Variants in SCYL2 observed in about 807,000 individuals in gnomAD.
SCYL2 encodes the protein SCY1-like protein 2.
Under a neutral mutation model 100.4 loss-of-function variants are expected in SCYL2, and 36 were observed. That is an observed-to-expected ratio of 0.36 (90% CI 0.27 to 0.47). The LOEUF (loss-of-function observed/expected upper bound fraction) is 0.47, where lower values mean the gene tolerates loss of function less well. Among genes scored for constraint, SCYL2 ranks in the 20% least tolerant of loss-of-function variants. The pLI, the probability that SCYL2 is intolerant of heterozygous loss-of-function variation, is 1.00. For synonymous variants in SCYL2, 330 were observed against 359.2 expected, an observed-to-expected ratio of 0.92 and a Z score of 0.92; for missense variants, 902 against 1,083.9, an observed-to-expected ratio of 0.83 and a Z score of 2.36.
intron 2 of SCYL2, among the ~76,000 whole-genome samples, chr12:100,291,231 G>A (rs1373254763): frequency 6.6e-6 from 1 of 151,958 alleles, no homozygotes; most frequent in Admixed American, 6.6e-5. Flanking sequence ...TACTACACAG[G>A]AAACAACATA....
At position 100,338,954 on chromosome 12, in the gene SCYL2, C is replaced by T. The variant is rs774824872; in HGVS notation, c.2572C>T (p.Gln858Ter). The change falls in exon 18 of 18, where the codon CAA becomes TAA. Residue 858 changes from glutamine (Q) to a stop codon, truncating the protein, a stop_gained. Coordinates refer to ENST00000360820, the MANE Select transcript of SCYL2 (RefSeq NM_017988.6). LOFTEE classifies it high-confidence loss of function. ...CAAAGTTAGCATGAACCAGTTATCACAACAGAAACCAAATCAGTGGCTTAA... is the reference window on the plus strand; with the variant it reads ...CAAAGTTAGCATGAACCAGTTATCATAACAGAAACCAAATCAGTGGCTTAA... Reference protein sequence around the residue: ...KPKVSMNQLSQQKPNQWLNQF... With the variant: ...KPKVSMNQLS 1 of 1,614,168 alleles carries T rather than the reference C, an allele frequency of 6.2e-7. No individual in the cohort carries two copies. The highest frequency in any genetic ancestry group is 8.5e-7 in the Non-Finnish European group (1 of 1,179,980).
chr12:100,299,412 G>C (rs983259122), intron 4 of SCYL2, among the ~76,000 whole-genome samples: 1 of 151,898 alleles, frequency 6.6e-6, no homozygotes, highest in Non-Finnish European at 1.5e-5. Flanking sequence ...TTATAAGTTC[G>C]ACATACACTT....
chr12:100,300,905 A>G (rs959994774), intron 4 of SCYL2, among the ~76,000 whole-genome samples: 1 of 152,206 alleles, frequency 6.6e-6, no homozygotes, highest in Non-Finnish European at 1.5e-5. Flanking sequence ...GTTGATGGAC[A>G]CTTAGTTTGC....
At chr12:100,293,516 C>T (rs1043238765) in intron 3 of SCYL2, among the ~76,000 whole-genome samples, 1 of 151,298 alleles carries the variant, frequency 6.6e-6, no homozygotes, top group Non-Finnish European at 1.5e-5. Context: ...GTTGTATTTA[C>T]ATGTTTTTTT....
intron 4 of SCYL2, among the ~76,000 whole-genome samples, chr12:100,300,395 A>T (rs1271707813): frequency 6.6e-6 from 1 of 152,054 alleles, no homozygotes; most frequent in Non-Finnish European, 1.5e-5. Flanking sequence ...ATATATACTT[A>T]TACATGAGAT....
chr12:100,314,465 AT>A, intron 7 of SCYL2, 23 bp from the exon 8 acceptor site: 1 of 1,537,144 alleles, frequency 6.5e-7, no homozygotes, highest in South Asian at 1.2e-5. Context: ...ATTTATCAAA[AT>A]ACTTTATTTC....
chr12:100,295,961 C>T (rs2096319870), intron 3 of SCYL2, among the ~76,000 whole-genome samples: 1 of 152,136 alleles, frequency 6.6e-6, no homozygotes, highest in Non-Finnish European at 1.5e-5. Context: ...AGGCCAGGGC[C>T]GACACCTGGT....
intron 1 of SCYL2, among the ~76,000 whole-genome samples, chr12:100,276,407 A>G (rs917555081): frequency 6.6e-6 from 1 of 152,102 alleles, no homozygotes; most frequent in African/African-American, 2.4e-5. Context: ...ATCATGGCTC[A>G]CTGCAGCCTT....
At chr12:100,269,863 C>T (rs2096285512) in intron 1 of SCYL2, among the ~76,000 whole-genome samples, 1 of 152,148 alleles carries the variant, frequency 6.6e-6, no homozygotes, top group African/African-American at 2.4e-5. Flanking sequence ...ACTACCTAGG[C>T]ATCTATGTGG....
chr12:100,323,644 TA>T lies in SCYL2; in HGVS notation c.1509+8del, dbSNP rs2096358715. 6.9e-7 allele frequency: 1 copy of T among 1,455,618 alleles called. No homozygotes were observed. Among genetic ancestry groups the T allele is most frequent in the Non-Finnish European group, 9.5e-7 (1 of 1,055,248 alleles). 90.2% of individuals were successfully genotyped at this position (1,455,618 alleles called of 1,614,324 possible). A position where few individuals can be genotyped will look rare whatever the true frequency, so the allele number is the denominator to read the frequency against. On this transcript the variant is annotated splice_region_variant and intron_variant, in intron 11 of 17. Coordinates refer to ENST00000360820, the MANE Select transcript of SCYL2 (RefSeq NM_017988.6). The stretch of plus-strand genomic sequence containing the variant: ...TACAAACATCTTCCCTTGCGGTAAG[TA>T]ATTGCATATTAATTTTTGTTTTTCT...
At position 100,304,421 on chromosome 12, in the gene SCYL2, C is replaced by T. The variant is rs542871018; in HGVS notation, c.480+6246C>T. On this transcript the variant is annotated intron_variant, in intron 4 of 17. Transcript: ENST00000360820. Reference sequence around the variant, plus strand: ...AGGGAATCTCCTGGTCTGCGGGTTGCAAAGACCGTGGGAAAAGCATAGTAT... The same window carrying T: ...AGGGAATCTCCTGGTCTGCGGGTTGTAAAGACCGTGGGAAAAGCATAGTAT... Among the ~76,000 whole-genome samples, 3 of 152,220 alleles carry T rather than the reference C, an allele frequency of 2.0e-5. No individual in the cohort carries two copies. The South Asian group carries it at 6.2e-4, about 32-fold the overall frequency.
At chr12:100,323,163 TG>T (rs1278177895) in intron 10 of SCYL2, among the ~76,000 whole-genome samples, 2 of 152,226 alleles carry the variant, frequency 1.3e-5, no homozygotes, top group African/African-American at 2.4e-5. Flanking sequence ...ATTTCATACT[TG>T]ATTTTCCCTT....
intron 2 of SCYL2, among the ~76,000 whole-genome samples, chr12:100,289,858 A>T (rs1208332978): frequency 6.6e-6 from 1 of 152,130 alleles, no homozygotes. Context: ...TGTTTAGCTT[A>T]GTATATTAAT....
chr12:100,332,230 A>T (rs1189297058), intron 13 of SCYL2, among the ~76,000 whole-genome samples: 1 of 152,194 alleles, frequency 6.6e-6, no homozygotes, highest in Non-Finnish European at 1.5e-5. Context: ...CAGAGTTTTC[A>T]ATGAGGTCTG....
intron 4 of SCYL2, among the ~76,000 whole-genome samples, chr12:100,306,027 C>T (rs566494165): frequency 4.9e-4 from 74 of 151,992 alleles, no homozygotes; most frequent in Admixed American, 1.1e-3. Context: ...GCCTACGAAC[C>T]GAAAAAAGCC....
intron 1 of SCYL2, among the ~76,000 whole-genome samples, chr12:100,276,795 A>C (rs2096292979): frequency 6.6e-6 from 1 of 151,728 alleles, no homozygotes. Flanking sequence ...CTCCTCTTCT[A>C]CTTATTTTAA....
At chr12:100,334,548 A>G (rs1952251608) in intron 14 of SCYL2, among the ~76,000 whole-genome samples, 2 of 152,204 alleles carry the variant, frequency 1.3e-5, no homozygotes, top group African/African-American at 4.8e-5. Context: ...TCTTGTCAGC[A>G]GTAGCCACTA....
intron 2 of SCYL2, among the ~76,000 whole-genome samples, chr12:100,289,362 T>C (rs1464495589): frequency 6.6e-6 from 1 of 152,238 alleles, no homozygotes; most frequent in South Asian, 2.1e-4. Context: ...GTGGACTAAC[T>C]GTTTGAAACT....
chr12:100,281,075 C>T (rs1188357726), intron 1 of SCYL2, among the ~76,000 whole-genome samples: 6 of 120,736 alleles, frequency 5.0e-5, no homozygotes, highest in Admixed American at 1.1e-4. Flanking sequence ...GTCACCCAGG[C>T]GGGAGTGCAG....
Sources: allele counts gnomAD v4.1 joint callset (sites outside exome capture counted in the v4.1 genomes callset), GRCh38; gene constraint gnomAD v4.1.1; transcripts MANE v1.5; gene names NCBI Gene and HGNC (gene_info 2026-07-23, HGNC 2026-07-21).